CCDC12: variants seen among roughly 807,000 people sequenced by gnomAD.
CCDC12 encodes coiled-coil domain-containing protein 12.
In CCDC12, 28 loss-of-function variants were observed where a neutral mutation model predicts 25.7. The ratio of observed to expected loss-of-function variants is 1.09; its 90% CI spans 0.81 to 1.50. CCDC12 has a LOEUF of 1.50. Among genes scored for constraint, CCDC12 ranks in the 40% most tolerant of loss-of-function variants. The pLI, the probability that CCDC12 is intolerant of heterozygous loss-of-function variation, is 0.00. For synonymous variants in CCDC12, 75 were observed against 87.7 expected (o/e 0.86, Z 0.81); for missense variants, 198 against 210.0 (o/e 0.94, Z 0.35).
chr3:46,969,345 C>T (rs2034731347), intron 1 of CCDC12, among the ~76,000 whole-genome samples: 1 of 152,200 alleles, frequency 6.6e-6, no homozygotes. Context: ...CCTCCCACCT[C>T]AGCCTCCCGA....
chr3:46,959,929 G>T (rs971624316), intron 1 of CCDC12, among the ~76,000 whole-genome samples: 1 of 152,060 alleles, frequency 6.6e-6, no homozygotes, highest in Non-Finnish European at 1.5e-5. Context: ...ATGCAGCCTG[G>T]GACAAAGCCC....
chr3:46,976,510 C>A (rs570683317), intron 1 of CCDC12, 127 bp downstream of exon 1: 2 of 1,445,364 alleles, frequency 1.4e-6, no homozygotes, highest in East Asian at 5.0e-5. Flanking sequence ...CTCGCGCATG[C>A]GTTAGCGCCC....
chr3:46,939,092 C>T (rs1363906835), intron 2 of CCDC12, among the ~76,000 whole-genome samples: 1 of 152,196 alleles, frequency 6.6e-6, no homozygotes, highest in Non-Finnish European at 1.5e-5. Context: ...CTGTTGCCTT[C>T]CAGGGGCCCA....
At chr3:46,934,060 C>T (rs1350434430) in intron 2 of CCDC12, among the ~76,000 whole-genome samples, 4 of 152,140 alleles carry the variant, frequency 2.6e-5, no homozygotes, top group African/African-American at 4.8e-5. Flanking sequence ...GCTGGGATTA[C>T]AGGCGTGAGC....
chr3:46,976,344 G>A, intron 1 of CCDC12: 15 of 1,337,768 alleles, frequency 1.1e-5, no homozygotes, highest in Non-Finnish European at 1.3e-5. Context: ...GGCAGCCCTA[G>A]ATACCTACAC....
chr3:46,974,767 T>C (rs1007673762), intron 1 of CCDC12, among the ~76,000 whole-genome samples: 2 of 152,212 alleles, frequency 1.3e-5, no homozygotes, highest in Non-Finnish European at 2.9e-5. Flanking sequence ...GGTCTAGCTA[T>C]TTAACATTCT....
intron 1 of CCDC12, among the ~76,000 whole-genome samples, chr3:46,972,029 C>A (rs757641554): frequency 6.6e-6 from 1 of 151,144 alleles, no homozygotes; most frequent in African/African-American, 2.4e-5. Flanking sequence ...AGGTTAGACC[C>A]TTACCTGTCC....
chr3:46,940,768 T>C, intron 2 of CCDC12: 1 of 571,366 alleles, frequency 1.8e-6, no homozygotes, highest in Non-Finnish European at 3.1e-6. Flanking sequence ...AAGAAAATGC[T>C]GGGGGCTGAG....
intron 1 of CCDC12, among the ~76,000 whole-genome samples, chr3:46,970,915 A>G (rs2034785088): frequency 1.3e-5 from 2 of 152,200 alleles, no homozygotes; most frequent in Admixed American, 1.3e-4. Flanking sequence ...ATGAGGTTCA[A>G]ATACAATACA....
At chr3:46,940,139 TAGTC>T (rs2033640711) in intron 2 of CCDC12, among the ~76,000 whole-genome samples, 1 of 152,136 alleles carries the variant, frequency 6.6e-6, no homozygotes, top group Non-Finnish European at 1.5e-5. Flanking sequence ...ACGGGAGTGG[TAGTC>T]AGACACTCTG....
At chr3:46,963,386 G>GCCCTCT (rs148335958) in intron 1 of CCDC12, among the ~76,000 whole-genome samples, 2 of 20,848 alleles carry the variant, frequency 9.6e-5, no homozygotes, top group African/African-American at 1.1e-4. Context: ...AAAATAATTA[G>GCCCTCT]CCCTCTCCCT....
At chr3:46,971,815 C>T (rs1421242084) in intron 1 of CCDC12, among the ~76,000 whole-genome samples, 1 of 152,188 alleles carries the variant, frequency 6.6e-6, no homozygotes, top group Non-Finnish European at 1.5e-5. Context: ...GACAGGTGCT[C>T]TCCAAGTGCA....
At chr3:46,935,652 C>T (rs568383239) in intron 2 of CCDC12, among the ~76,000 whole-genome samples, 2 of 152,274 alleles carry the variant, frequency 1.3e-5, no homozygotes, top group East Asian at 1.9e-4. Context: ...ATGAGTCATC[C>T]ATGCCTCTAC....
intron 1 of CCDC12, chr3:46,976,316 C>A: frequency 1.6e-6 from 2 of 1,247,704 alleles, no homozygotes; most frequent in Non-Finnish European, 1.0e-6. Flanking sequence ...CCTAACCCAA[C>A]AAGCATCTGA....
upstream of CCDC12, chr3:46,976,940 A>C (rs1575569954): frequency 1.0e-5 from 5 of 488,576 alleles, no homozygotes; most frequent in East Asian, 1.6e-4. Context: ...CAACTTGCCT[A>C]GTGGGTGGGG....
chr3:46,946,515 C>T (rs1454560644), intron 1 of CCDC12, among the ~76,000 whole-genome samples: 1 of 152,262 alleles, frequency 6.6e-6, no homozygotes, highest in East Asian at 1.9e-4. Context: ...AGAGCACTGT[C>T]ACAGCCTGCA....
At chr3:46,933,523 C>G (rs1186826757) in intron 2 of CCDC12, among the ~76,000 whole-genome samples, 1 of 152,240 alleles carries the variant, frequency 6.6e-6, no homozygotes, top group Non-Finnish European at 1.5e-5. Flanking sequence ...AAATGAGGCC[C>G]CTGCCCTGCT....
intron 1 of CCDC12, among the ~76,000 whole-genome samples, chr3:46,951,798 A>AAAAAATATCCCATATATAT: frequency 1.2e-4 from 1 of 8,476 alleles, no homozygotes; most frequent in African/African-American, 2.5e-4. Context: ...AAAAAAAAAA[A>AAAAAATATCCCATATATAT]ATATATATAT....
chr3:46,928,115 G>A (rs1172893865), intron 2 of CCDC12, among the ~76,000 whole-genome samples: 1 of 152,178 alleles, frequency 6.6e-6, no homozygotes, highest in African/African-American at 2.4e-5. Context: ...TGGGTATGGT[G>A]CCACATGCCT....
Sources: allele counts gnomAD v4.1 joint callset (sites outside exome capture counted in the v4.1 genomes callset), GRCh38; gene constraint gnomAD v4.1.1; transcripts MANE v1.5; gene names NCBI Gene and HGNC (gene_info 2026-07-23, HGNC 2026-07-21).